Variants in SLC27A2 observed in about 807,000 individuals in gnomAD.
SLC27A2 encodes solute carrier family 27 member 2.
A neutral mutation model predicts 60.0 loss-of-function variants in SLC27A2; 54 were observed. That is an observed-to-expected ratio of 0.90 (90% CI 0.72 to 1.13). The LOEUF is 1.13. Ranked by LOEUF, SLC27A2 falls within the 50% of genes most tolerant of loss-of-function variation. The pLI is 0.00. For missense variants in SLC27A2, 739 were observed against 777.6 expected (o/e 0.95, Z 0.59); for synonymous variants, 297 against 297.6 (o/e 1.00, Z 0.02).
chr15:50,193,589 T>C (rs913829813), intron 1 of SLC27A2, among the ~76,000 whole-genome samples: 1 of 152,222 alleles, frequency 6.6e-6, no homozygotes, highest in African/African-American at 2.4e-5. Flanking sequence ...TTTGCCTCTG[T>C]GGGCCCTTAC....
intron 4 of SLC27A2, among the ~76,000 whole-genome samples, chr15:50,216,511 T>C (rs747856095): frequency 6.6e-6 from 1 of 151,144 alleles, no homozygotes. Flanking sequence ...TCTACACGCA[T>C]TTTTATAGCA....
rs187680502 is a variant in SLC27A2, at chr15:50,203,801, G to A, written c.847+1156G>A. ...GAGAGTAGTGCCTTCATGAAAGGTA[G>A]TGCCCTTATCAGAACAGGAGACAGC... On this transcript the variant is annotated intron_variant, in intron 3 of 9. Transcript: ENST00000267842. Among the ~76,000 whole-genome samples the A allele has an allele frequency of 1.7e-3, 261 of 152,152 alleles. 1 individual carries two copies. Among genetic ancestry groups the A allele is most frequent in the African/African-American group, 6.0e-3 (249 of 41,482 alleles).
intron 2 of SLC27A2, among the ~76,000 whole-genome samples, chr15:50,198,671 C>A (rs2899458): frequency 0.79 from 119,688 of 152,082 alleles, 47,641 homozygotes; most frequent in East Asian, 0.95. Context: ...GGACAGGAAG[C>A]CAGCCCCAGC....
intron 2 of SLC27A2, among the ~76,000 whole-genome samples, chr15:50,202,036 T>C (rs2045068511): frequency 6.6e-6 from 1 of 152,234 alleles, no homozygotes; most frequent in Admixed American, 6.5e-5. Flanking sequence ...ATTTTTAAAA[T>C]GTCTTGCAAA....
Position 50,182,401 on chromosome 15 carries a change from G to C in SLC27A2, c.-27G>C. On this transcript the variant is annotated 5_prime_UTR_variant, in exon 1 of 10. Transcript: ENST00000267842. ...CGCCCGGGGTGAACCCTCTGCCCTC[G>C]CTGGGACAGAGGGCCCCGCAGCCGT... 1 of 1,566,064 alleles carries C rather than the reference G, an allele frequency of 6.4e-7. No individual in the cohort carries two copies.
intron 1 of SLC27A2, among the ~76,000 whole-genome samples, chr15:50,186,999 A>G (rs895560456): frequency 2.0e-5 from 3 of 152,232 alleles, no homozygotes; most frequent in African/African-American, 7.2e-5. Context: ...TCTGCAGTAT[A>G]TGTAAAGGAC....
intron 4 of SLC27A2, among the ~76,000 whole-genome samples, chr15:50,215,973 A>C (rs2045192560): frequency 1.3e-5 from 2 of 152,246 alleles, no homozygotes; most frequent in South Asian, 4.1e-4. Context: ...GGACCTAATT[A>C]AACTAAAGAA....
intron 2 of SLC27A2, among the ~76,000 whole-genome samples, chr15:50,198,001 A>AT (rs983201018): frequency 6.6e-5 from 10 of 151,856 alleles, no homozygotes; most frequent in Non-Finnish European, 1.5e-4. Context: ...GGTAGTTGGA[A>AT]TTTTTTTTCA....
chr15:50,234,729 A>G (rs1425009090), intron 9 of SLC27A2, among the ~76,000 whole-genome samples: 1 of 152,184 alleles, frequency 6.6e-6, no homozygotes, highest in Non-Finnish European at 1.5e-5. Flanking sequence ...ACTGTACTCC[A>G]GCCTGGGCAT....
intron 3 of SLC27A2, 81 bp from the exon 4 acceptor site, chr15:50,205,158 T>C: frequency 6.7e-7 from 1 of 1,503,680 alleles, no homozygotes; most frequent in Non-Finnish European, 9.1e-7. Flanking sequence ...ATTTCTACCG[T>C]TCAAAGTTGA....
At chr15:50,186,618 C>T (rs542187987) in intron 1 of SLC27A2, among the ~76,000 whole-genome samples, 7 of 152,032 alleles carry the variant, frequency 4.6e-5, no homozygotes, top group Non-Finnish European at 8.8e-5. Flanking sequence ...TTGTTATTAT[C>T]AGTAGAGATG....
chr15:50,201,344 A>G (rs1290971987), intron 2 of SLC27A2, among the ~76,000 whole-genome samples: 1 of 152,188 alleles, frequency 6.6e-6, no homozygotes, highest in Non-Finnish European at 1.5e-5. Flanking sequence ...CATAGTGTGA[A>G]TTGCCACGTG....
intron 8 of SLC27A2, among the ~76,000 whole-genome samples, chr15:50,231,611 C>T (rs2045317427): frequency 6.6e-6 from 1 of 152,158 alleles, no homozygotes; most frequent in African/African-American, 2.4e-5. Flanking sequence ...TTTTTAAAGC[C>T]TGGATCTAAT....
intron 4 of SLC27A2, among the ~76,000 whole-genome samples, chr15:50,211,903 C>G (rs1340343459): frequency 6.9e-6 from 1 of 144,982 alleles, no homozygotes; most frequent in Non-Finnish European, 1.5e-5. Context: ...AACCCCTTCT[C>G]TACTAAAAAT....
rs750780588 is a variant in SLC27A2, at chr15:50,182,880, G to C, written c.453G>C (p.Gly151=). 6.2e-7 allele frequency: 1 copy of C among 1,610,474 alleles called. No individual in the cohort carries two copies. Among genetic ancestry groups the C allele is most frequent in the East Asian group, 2.2e-5 (1 of 44,854 alleles). ...TGCTGCACTGCTTCCAGTGCTGCGG[G>C]GCGAAGGTGCTGCTGGTGTCGCCAG... is the stretch of plus-strand genomic sequence containing the variant. The part of the protein sequence containing the change: ...KSLLHCFQCC[G]AKVLLVSPEL... The change falls in exon 1 of 10, where the codon GGG becomes GGC. Residue 151 remains glycine, a synonymous_variant. Transcript: ENST00000267842.
intron 2 of SLC27A2, among the ~76,000 whole-genome samples, chr15:50,199,489 A>AAG (rs1201983309): frequency 6.6e-6 from 1 of 151,696 alleles, no homozygotes; most frequent in Non-Finnish European, 1.5e-5. Context: ...AAAAAAAAAA[A>AAG]AAAGAAAGAA....
chr15:50,230,236 CA>C (rs921052664), intron 8 of SLC27A2, among the ~76,000 whole-genome samples: 146 of 48,692 alleles, frequency 3.0e-3, no homozygotes, highest in South Asian at 0.015. Flanking sequence ...TCTGTCTCAC[CA>C]AAAAAAAAAA....
At chr15:50,207,327 A>C (rs1595686232) in intron 4 of SLC27A2, among the ~76,000 whole-genome samples, 1 of 152,178 alleles carries the variant, frequency 6.6e-6, no homozygotes, top group Non-Finnish European at 1.5e-5. Flanking sequence ...GGGGTTTTAC[A>C]ACTTCAAAAT....
rs777008588 is a variant in SLC27A2 at position 50,236,004 on chromosome 15, G to C, written c.1771G>C (p.Ala591Pro). The stretch of plus-strand genomic sequence containing the variant: ...CTTTAACCCTGCTGTCATCAAAGAT[G>C]CCTTGTATTTCTTGGATGACACAGC... ...EGFNPAVIKDALYFLDDTAKM... is the reference protein window; with the variant it reads ...EGFNPAVIKDPLYFLDDTAKM... The change falls in exon 10 of 10, where the codon GCC (alanine) becomes CCC (proline). Residue 591 changes from alanine to proline, a missense_variant. Transcript: ENST00000267842. The C allele has an allele frequency of 2.9e-5, 47 of 1,613,928 alleles. No individual in the cohort carries two copies. The highest frequency in any genetic ancestry group is 3.6e-5 in the Non-Finnish European group (43 of 1,179,930).
Sources: gnomAD v4.1 joint callset for allele counts (sites outside exome capture counted in the v4.1 genomes callset) on GRCh38, gnomAD v4.1.1 for gene constraint, MANE v1.5 for transcripts, NCBI Gene and HGNC (gene_info 2026-07-23, HGNC 2026-07-21) for gene names.